NFIB: variants seen among roughly 807,000 people sequenced by gnomAD.
NFIB encodes nuclear factor 1 B-type.
A neutral mutation model predicts 61.5 loss-of-function variants in NFIB; 11 were observed. The ratio of observed to expected loss-of-function variants is 0.18; its 90% confidence interval spans 0.11 to 0.30. NFIB has a LOEUF of 0.30. Among genes scored for constraint, NFIB ranks in the 10% least tolerant of loss-of-function variants. NFIB has a pLI of 1.00. For missense variants in NFIB, 471 were observed against 608.9 expected (o/e 0.77, Z 2.38); for synonymous variants, 260 against 216.5 (o/e 1.20, Z -1.76).
At chr9:14,510,070 A>G in the NFIB span, among the ~76,000 whole-genome samples, 7 of 152,196 alleles carry the variant, frequency 4.6e-5, no homozygotes, top group South Asian at 2.1e-4. Context: ...TAATTTTTAT[A>G]TTGTTAGTAG....
chr9:14,460,585 C>A, the NFIB span, among the ~76,000 whole-genome samples: 1 of 152,010 alleles, frequency 6.6e-6, no homozygotes, highest in Non-Finnish European at 1.5e-5. Flanking sequence ...AAGAAAAACA[C>A]CCACACACAA....
At chr9:14,384,756 T>A (rs896746206) in intron 1 of NFIB, among the ~76,000 whole-genome samples, 2 of 152,216 alleles carry the variant, frequency 1.3e-5, no homozygotes, top group African/African-American at 4.8e-5. Context: ...TGGCCTGGTA[T>A]CAAACCCTCT....
chr9:14,188,444 G>A (rs557355417), intron 2 of NFIB, among the ~76,000 whole-genome samples: 2 of 152,272 alleles, frequency 1.3e-5, no homozygotes, highest in East Asian at 3.9e-4. Flanking sequence ...GCACGATTTT[G>A]ACTAAAAGAA....
chr9:14,231,764 C>T (rs1380362218), intron 2 of NFIB, among the ~76,000 whole-genome samples: 1 of 152,158 alleles, frequency 6.6e-6, no homozygotes, highest in Non-Finnish European at 1.5e-5. Flanking sequence ...AACTGCATAA[C>T]ATGTCAAGCT....
chr9:14,408,665 T>A, the NFIB span, among the ~76,000 whole-genome samples: 1 of 152,192 alleles, frequency 6.6e-6, no homozygotes, highest in African/African-American at 2.4e-5. Flanking sequence ...CAACGAAAGT[T>A]GGATGTTTTA....
chr9:14,267,870 C>T lies in NFIB; in HGVS notation c.562+39119G>A, dbSNP rs56075406. 3.7e-4 allele frequency among the ~76,000 whole-genome samples: 56 copies of T among 152,238 alleles called. No homozygotes were observed. The East Asian group carries it at 8.3e-3, about 23-fold the overall frequency. On this transcript the variant is annotated intron_variant, in intron 2 of 10. Transcript: ENST00000380953. ...ATTCAGGGCTGGGCGCAGTGGCTCA[C>T]GCCTGTAATCCCAGCACTTTGGGAG...
At chr9:14,205,394 T>G (rs1287116534) in intron 2 of NFIB, among the ~76,000 whole-genome samples, 1 of 151,062 alleles carries the variant, frequency 6.6e-6, no homozygotes. Context: ...TAAAAAACAC[T>G]TGAAGAATTA....
chr9:14,424,519 G>C, the NFIB span, among the ~76,000 whole-genome samples: 1 of 152,202 alleles, frequency 6.6e-6, no homozygotes, highest in South Asian at 2.1e-4. Context: ...GTTTACGCGG[G>C]GCGACCTGCA....
At chr9:14,451,218 T>G in the NFIB span, among the ~76,000 whole-genome samples, 1 of 152,222 alleles carries the variant, frequency 6.6e-6, no homozygotes, top group South Asian at 2.1e-4. Flanking sequence ...ACTTTATAAT[T>G]TTTCAGCAAC....
At chr9:14,427,942 T>TTTTGTTTG in the NFIB span, among the ~76,000 whole-genome samples, 5 of 77,856 alleles carry the variant, frequency 6.4e-5, no homozygotes, top group African/African-American at 3.0e-4. Flanking sequence ...CAGTTGTTTT[T>TTTTGTTTG]TTTTTTTTTT....
intron 2 of NFIB, among the ~76,000 whole-genome samples, chr9:14,306,728 T>C (rs963437176): frequency 2.0e-5 from 3 of 152,232 alleles, no homozygotes; most frequent in African/African-American, 7.2e-5. Context: ...AACAGTATTA[T>C]TTTAAAGATA....
the NFIB span, among the ~76,000 whole-genome samples, chr9:14,410,197 C>T: frequency 1.3e-5 from 2 of 148,776 alleles, no homozygotes; most frequent in African/African-American, 5.0e-5. Flanking sequence ...CTACTATTTT[C>T]CAAAAAAAAA....
intron 2 of NFIB, among the ~76,000 whole-genome samples, chr9:14,229,540 T>C (rs141701864): frequency 6.6e-6 from 1 of 152,208 alleles, no homozygotes; most frequent in Admixed American, 6.5e-5. Context: ...AATAAAATAA[T>C]GTATGTAAAG....
In NFIB at chr9:14,313,952, G is replaced by T. The variant is rs761295291; in HGVS notation, c.-441C>A. The T allele has an allele frequency of 1.2e-3, 1,256 of 1,064,796 alleles. 2 individuals are homozygous for T. The highest frequency in any genetic ancestry group is 4.2e-3 in the Middle Eastern group (10 of 2,408). 66.0% of individuals were successfully genotyped at this position (1,064,796 alleles called of 1,614,324 possible). ...ATGCTTTTTCAAAAAAGGCGGGGAG[G>T]GGGGCGCGGGAGGGCGCAGGAGGGC... On this transcript the variant is annotated 5_prime_UTR_variant, in exon 1 of 11. Transcript: ENST00000380953. The surrounding 1 kb of genome is among the most constrained non-coding windows in gnomAD (Gnocchi z 4.5).
intron 6 of NFIB, among the ~76,000 whole-genome samples, chr9:14,132,153 T>C (rs2040476480): frequency 1.3e-5 from 2 of 152,198 alleles, no homozygotes; most frequent in Non-Finnish European, 2.9e-5. Context: ...CAGCAAACCA[T>C]ATCACTAAAT....
the NFIB span, among the ~76,000 whole-genome samples, chr9:14,510,771 T>C: frequency 1.3e-5 from 2 of 152,238 alleles, no homozygotes; most frequent in African/African-American, 4.8e-5. Flanking sequence ...AATTGAGAAA[T>C]GTCCACTATA....
intron 2 of NFIB, among the ~76,000 whole-genome samples, chr9:14,241,614 T>C (rs2054363095): frequency 6.6e-6 from 1 of 152,142 alleles, no homozygotes; most frequent in African/African-American, 2.4e-5. Context: ...CCTCCCCACC[T>C]TTCTTCAAGA....
At chr9:14,404,047 T>C in the NFIB span, among the ~76,000 whole-genome samples, 1 of 152,228 alleles carries the variant, frequency 6.6e-6, no homozygotes, top group South Asian at 2.1e-4. Flanking sequence ...AAAATAATTT[T>C]TGGCAATGTG....
the NFIB span, among the ~76,000 whole-genome samples, chr9:14,460,392 T>C: frequency 1.3e-5 from 2 of 148,814 alleles, no homozygotes; most frequent in South Asian, 4.4e-4. Flanking sequence ...GGAGAAGGGG[T>C]AGCATCAGGA....
Sources: gnomAD v4.1 joint callset for allele counts (sites outside exome capture counted in the v4.1 genomes callset) on GRCh38, gnomAD v4.1.1 for gene constraint, Gnocchi (gnomAD v3.1) non-coding constraint, MANE v1.5 for transcripts, NCBI Gene and HGNC (gene_info 2026-07-23, HGNC 2026-07-21) for gene names.